ADD2: variants seen among roughly 807,000 people sequenced by gnomAD.
The protein encoded by ADD2 is adducin 2, also known as beta-adducin.
A neutral mutation model predicts 83.0 loss-of-function variants in ADD2; 23 were observed. That is an observed-to-expected ratio of 0.28 (90% CI 0.20 to 0.39). ADD2 has a LOEUF of 0.39. Among genes scored for constraint, ADD2 ranks in the 10% least tolerant of loss-of-function variants. The probability of loss-of-function intolerance (pLI) is 1.00; values close to 1 mark genes in which losing one functional copy is unlikely to be tolerated. For missense variants in ADD2, 758 were observed against 944.9 expected, an observed-to-expected ratio of 0.80 and a Z score of 2.59; for synonymous variants, 375 against 375.4, an observed-to-expected ratio of 1.00 and a Z score of 0.01.
At chr2:70,723,714 C>T (rs928776620) in intron 1 of ADD2, among the ~76,000 whole-genome samples, 3 of 152,130 alleles carry the variant, frequency 2.0e-5, no homozygotes, top group Admixed American at 6.6e-5. Flanking sequence ...ATTCCCTGAC[C>T]CCCTTGACCC....
At position 70,675,478 on chromosome 2, in the gene ADD2, G is replaced by C. The variant is rs953585775; in HGVS notation, c.1594-653C>G. The C allele has an allele frequency of 6.7e-5, 66 of 985,422 alleles. No individual in the cohort carries two copies. The Admixed American group carries it at 1.9e-3, about 28-fold the overall frequency. The allele number at this position is 985,422 out of a possible 1,614,324, so 61.0% of individuals were successfully genotyped here. ...GTTTTGCCACCTCTGTGGAGCCCGTGGTTCTAGGGAGCTGACCAGCCGGCC... is the reference window on the plus strand; with the variant it reads ...GTTTTGCCACCTCTGTGGAGCCCGTCGTTCTAGGGAGCTGACCAGCCGGCC... On this transcript the variant is annotated intron_variant, in intron 13 of 15. Transcript: ENST00000264436.
Position 70,695,816 on chromosome 2 carries a change from C to A in ADD2, c.475-15G>T. 6.2e-7 allele frequency: 1 copy of A among 1,612,544 alleles called. No homozygotes were observed. The highest frequency in any genetic ancestry group is 8.5e-7 in the Non-Finnish European group (1 of 1,178,842). ...CTGACTCTCAACTGGAGGAAAGACACAAGTTCTCAGGGGCAAGGAGGGAGA... is the reference window on the plus strand; with the variant it reads ...CTGACTCTCAACTGGAGGAAAGACAAAAGTTCTCAGGGGCAAGGAGGGAGA... On this transcript the variant is annotated splice_polypyrimidine_tract_variant and intron_variant, in intron 5 of 15. Coordinates refer to ENST00000264436, the MANE Select transcript of ADD2 (RefSeq NM_001617.4).
chr2:70,694,957 C>G (rs1473955652), intron 6 of ADD2, among the ~76,000 whole-genome samples: 4 of 152,028 alleles, frequency 2.6e-5, no homozygotes, highest in African/African-American at 9.7e-5. Flanking sequence ...CCTTGGGTAG[C>G]CTTGTGCAAG....
intron 1 of ADD2, among the ~76,000 whole-genome samples, chr2:70,726,220 T>C (rs566366209): frequency 6.5e-5 from 9 of 139,320 alleles, no homozygotes; most frequent in African/African-American, 1.8e-4. Context: ...AAAGAATGTA[T>C]TGTCATCAGC....
chr2:70,664,771 G>GTA (rs373151167), intron 15 of ADD2, among the ~76,000 whole-genome samples: 10,910 of 151,952 alleles, frequency 0.072, 803 homozygotes, highest in African/African-American at 0.19. Flanking sequence ...GTGTGCAAGT[G>GTA]TGAGTGGGCA....
chr2:70,696,544 G>T, intron 4 of ADD2, 148 bp from the exon 5 acceptor site: 1 of 1,067,206 alleles, frequency 9.4e-7, no homozygotes, highest in Non-Finnish European at 1.3e-6. Context: ...CCTTACCTGG[G>T]GCAGGAGTCC....
At chr2:70,704,263 T>TGGCCCCCCCCCCCCCCCCCACCC in intron 4 of ADD2, 58 bp downstream of exon 4, 1 of 913,238 alleles carries the variant, frequency 1.1e-6, no homozygotes, top group Non-Finnish European at 1.7e-6. Flanking sequence ...CTCCCTCTCT[T>TGGCCCCCCCCCCCCCCCCCACCC]CCCCACCCCA....
At chr2:70,673,841 C>T (rs187531458) in intron 14 of ADD2, among the ~76,000 whole-genome samples, 1 of 152,018 alleles carries the variant, frequency 6.6e-6, no homozygotes, top group Non-Finnish European at 1.5e-5. Flanking sequence ...AGGTGATCCA[C>T]CAGCCTTGGC....
intron 1 of ADD2, among the ~76,000 whole-genome samples, chr2:70,727,991 A>G (rs1553378619): frequency 6.6e-6 from 1 of 152,188 alleles, no homozygotes; most frequent in Non-Finnish European, 1.5e-5. Context: ...GGGACCTTCA[A>G]GGACGTCCGT....
intron 1 of ADD2, among the ~76,000 whole-genome samples, chr2:70,739,006 A>C (rs1474209315): frequency 6.6e-6 from 1 of 152,244 alleles, no homozygotes; most frequent in Non-Finnish European, 1.5e-5. Flanking sequence ...AAAGATGCCA[A>C]GAGCAATTGC....
In ADD2 at chr2:70,659,567, T is replaced by C. The variant is rs577973960; in HGVS notation, c.*3858A>G. ...TCCCCCAAGTCCTTTAAAAAGAACTTATCTGTTCACAGAGGAAGAACCCTG... is the reference window on the plus strand; with the variant it reads ...TCCCCCAAGTCCTTTAAAAAGAACTCATCTGTTCACAGAGGAAGAACCCTG... On this transcript the variant is annotated 3_prime_UTR_variant, in exon 16 of 16. Coordinates refer to ENST00000264436, the MANE Select transcript of ADD2 (RefSeq NM_001617.4). 1.2e-4 allele frequency: 19 copies of C among 152,328 alleles called. No individual in the cohort carries two copies. Among genetic ancestry groups the C allele is most frequent in the African/African-American group, 4.6e-4 (19 of 41,568 alleles). 9.4% of individuals were successfully genotyped at this position (152,328 alleles called of 1,614,324 possible).
At chr2:70,748,368 C>T (rs1293194235) in intron 1 of ADD2, among the ~76,000 whole-genome samples, 2 of 151,738 alleles carry the variant, frequency 1.3e-5, no homozygotes, top group East Asian at 3.9e-4. Context: ...TATTATTCAT[C>T]AAAGTAAGCT....
intron 4 of ADD2, among the ~76,000 whole-genome samples, chr2:70,697,706 TG>T (rs1553372945): frequency 6.6e-6 from 1 of 152,038 alleles, no homozygotes; most frequent in African/African-American, 2.4e-5. Flanking sequence ...GTGCCATTAG[TG>T]GAAGTGATGA....
chr2:70,767,540 C>T (rs1675463836), intron 1 of ADD2: 2 of 822,256 alleles, frequency 2.4e-6, no homozygotes, highest in Non-Finnish European at 3.1e-6. Context: ...GGAGGAGCGG[C>T]CCCGCCCGGC....
chr2:70,734,835 G>T lies in ADD2; in HGVS notation c.-153-21651C>A, dbSNP rs74427829. On this transcript the variant is annotated intron_variant, in intron 1 of 15. Transcript: ENST00000264436. ...CATCTAGCTTGCATTGCACCTATTT[G>T]AGTAAGTGTGTTATCTGTCTTTCTA... Among the ~76,000 whole-genome samples the T allele has an allele frequency of 1.2e-4, 18 of 152,262 alleles. No homozygotes were observed. The East Asian group carries it at 3.5e-3, about 29-fold the overall frequency.
chr2:70,707,792 C>A (rs1553374791), intron 2 of ADD2, among the ~76,000 whole-genome samples: 1 of 152,260 alleles, frequency 6.6e-6, no homozygotes, highest in East Asian at 1.9e-4. Context: ...GGGTTCTCAT[C>A]CATAACCTGC....
chr2:70,721,493 C>T (rs1263054649), intron 1 of ADD2, among the ~76,000 whole-genome samples: 2 of 152,186 alleles, frequency 1.3e-5, no homozygotes, highest in African/African-American at 2.4e-5. Context: ...TTGAGTCCTA[C>T]AGATCATTTA....
At chr2:70,697,354 G>C (rs1671362775) in intron 4 of ADD2, among the ~76,000 whole-genome samples, 1 of 152,190 alleles carries the variant, frequency 6.6e-6, no homozygotes, top group Non-Finnish European at 1.5e-5. Flanking sequence ...GATGTGGAAG[G>C]GATTTGGAAA....
intron 8 of ADD2, among the ~76,000 whole-genome samples, chr2:70,689,135 G>C (rs1670895718): frequency 6.6e-6 from 1 of 152,096 alleles, no homozygotes. Context: ...AGCTAATTAG[G>C]GGAAGCATCT....
Sources: gnomAD v4.1 joint callset for allele counts (sites outside exome capture counted in the v4.1 genomes callset) on GRCh38, gnomAD v4.1.1 for gene constraint, MANE v1.5 for transcripts, NCBI Gene and HGNC (gene_info 2026-07-23, HGNC 2026-07-21) for gene names.